The following LHFPL3 variants were observed in gnomAD, a reference collection of about 807,000 sequenced individuals.
The protein encoded by LHFPL3 is LHFPL tetraspan subfamily member 3.
LHFPL3 carries 5 observed loss-of-function variants against 19.3 expected under a neutral mutation model. The ratio of observed to expected loss-of-function variants is 0.26; its 90% CI spans 0.14 to 0.54. The LOEUF (loss-of-function observed/expected upper bound fraction) is 0.54, where lower values mean the gene tolerates loss of function less well. Among genes scored for constraint, LHFPL3 ranks in the 20% least tolerant of loss-of-function variants. LHFPL3 has a pLI of 0.94. For missense variants in LHFPL3, 249 were observed against 307.4 expected (o/e 0.81, Z 1.42); for synonymous variants, 133 against 126.2 (o/e 1.05, Z -0.36).
In LHFPL3 at chr7:104,564,310, T is replaced by C. The variant is rs1790077739; in HGVS notation, c.446-172365T>C. 2.0e-5 allele frequency among the ~76,000 whole-genome samples: 3 copies of C among 152,178 alleles called. No homozygotes were observed. In the South Asian group the frequency reaches 6.2e-4, roughly 32 times the overall value. ...GCTAATCACATCCCAGATGCAGTAA[T>C]TCTTGATATAGTAATACACTTTTAG... On this transcript the variant is annotated intron_variant, in intron 1 of 2. Transcript: ENST00000424859.
At chr7:104,640,342 G>T (rs956822968) in intron 1 of LHFPL3, among the ~76,000 whole-genome samples, 1 of 152,084 alleles carries the variant, frequency 6.6e-6, no homozygotes, top group Non-Finnish European at 1.5e-5. Flanking sequence ...TCATTGTTCA[G>T]CTCCCACTTA....
At chr7:104,544,979 G>GTT (rs35395569) in intron 1 of LHFPL3, among the ~76,000 whole-genome samples, 38 of 152,006 alleles carry the variant, frequency 2.5e-4, no homozygotes, top group Admixed American at 7.2e-4. Context: ...AAACCTGACA[G>GTT]TTTTTTCGTA....
chr7:104,669,662 A>C, intron 1 of LHFPL3: 1 of 1,330,262 alleles, frequency 7.5e-7, no homozygotes, highest in Non-Finnish European at 1.0e-6. Flanking sequence ...AGACAAGACA[A>C]AATAAAACTC....
chr7:104,719,292 T>TAA (rs1204031325), intron 1 of LHFPL3, among the ~76,000 whole-genome samples: 3 of 152,148 alleles, frequency 2.0e-5, no homozygotes, highest in Non-Finnish European at 4.4e-5. Context: ...TGTATATATA[T>TAA]AATCTTTGAA....
At chr7:104,649,983 A>G (rs1313482634) in intron 1 of LHFPL3, among the ~76,000 whole-genome samples, 1 of 152,210 alleles carries the variant, frequency 6.6e-6, no homozygotes, top group Admixed American at 6.5e-5. Context: ...AGTAGCTTCC[A>G]TCAGCCCATT....
At chr7:104,387,563 A>G (rs1052057106) in intron 1 of LHFPL3, among the ~76,000 whole-genome samples, 2 of 152,194 alleles carry the variant, frequency 1.3e-5, no homozygotes, top group African/African-American at 4.8e-5. Context: ...AGACTTGTGG[A>G]CATCATCAAG....
At chr7:104,330,688 C>T (rs1801551044) in intron 1 of LHFPL3, among the ~76,000 whole-genome samples, 1 of 152,150 alleles carries the variant, frequency 6.6e-6, no homozygotes, top group African/African-American at 2.4e-5. Context: ...ATACCATTAT[C>T]TCCTGAACGG....
At chr7:104,565,721 G>GTCTGTCTA (rs1209392650) in intron 1 of LHFPL3, among the ~76,000 whole-genome samples, 3 of 143,932 alleles carry the variant, frequency 2.1e-5, no homozygotes, top group Non-Finnish European at 3.0e-5. Context: ...CTGTCTGTCT[G>GTCTGTCTA]TCTATCTATC....
At chr7:104,693,037 C>T (rs1057421410) in intron 1 of LHFPL3, among the ~76,000 whole-genome samples, 1 of 152,230 alleles carries the variant, frequency 6.6e-6, no homozygotes, top group Non-Finnish European at 1.5e-5. Flanking sequence ...CGTGAGAGCC[C>T]ACCTGTTGCA....
intron 1 of LHFPL3, among the ~76,000 whole-genome samples, chr7:104,341,701 C>G (rs776606276): frequency 6.6e-6 from 1 of 152,116 alleles, no homozygotes; most frequent in Non-Finnish European, 1.5e-5. Flanking sequence ...TCCACCAGCC[C>G]CAGTTCACTT....
At position 104,328,759 on chromosome 7, in the gene LHFPL3, AGGAGGAGGAGGAGGG is replaced by A; in HGVS notation, c.-16_-2del. 1 of 1,543,016 alleles carries A rather than the reference AGGAGGAGGAGGAGGG, an allele frequency of 6.5e-7. No individual in the cohort carries two copies. Among genetic ancestry groups the A allele is most frequent in the Non-Finnish European group, 8.8e-7 (1 of 1,142,798 alleles). On this transcript the variant is annotated 5_prime_UTR_variant, in exon 1 of 3. Transcript: ENST00000424859. This position sits in a 1 kb window ranked among gnomAD's most constrained non-coding sequence, Gnocchi z 4.6. The stretch of plus-strand genomic sequence containing the variant: ...GAGGCGGAGGACCAGGAGGAGGAGG[AGGAGGAGGAGGAGGG>A]GGAGAATGCCCGGAGCCGCCGCCGC...
At chr7:104,437,993 G>A (rs1792145252) in intron 1 of LHFPL3, among the ~76,000 whole-genome samples, 1 of 152,134 alleles carries the variant, frequency 6.6e-6, no homozygotes, top group Non-Finnish European at 1.5e-5. Flanking sequence ...CACCATACAG[G>A]AGTCCATTAA....
At chr7:104,768,256 T>C (rs1794493926) in intron 2 of LHFPL3, among the ~76,000 whole-genome samples, 1 of 152,188 alleles carries the variant, frequency 6.6e-6, no homozygotes, top group Non-Finnish European at 1.5e-5. Context: ...TACAGTGACC[T>C]GGTCAGTGGG....
At chr7:104,396,435 G>C (rs2116483586) in intron 1 of LHFPL3, among the ~76,000 whole-genome samples, 1 of 152,148 alleles carries the variant, frequency 6.6e-6, no homozygotes, top group African/African-American at 2.4e-5. Context: ...TTGATAAGAG[G>C]CTGACTAACC....
chr7:104,724,609 G>A (rs576095014), intron 1 of LHFPL3, among the ~76,000 whole-genome samples: 1 of 152,156 alleles, frequency 6.6e-6, no homozygotes, highest in African/African-American at 2.4e-5. Flanking sequence ...CCTTTCAGAG[G>A]GTGGAGGGTG....
intron 1 of LHFPL3, among the ~76,000 whole-genome samples, chr7:104,460,605 T>C (rs10267693): frequency 0.17 from 25,698 of 152,106 alleles, 2,156 homozygotes; most frequent in Middle Eastern, 0.2. Flanking sequence ...ATCAGTGATA[T>C]TGAGGTTTTT....
intron 1 of LHFPL3, among the ~76,000 whole-genome samples, chr7:104,467,399 G>A (rs893973858): frequency 2.0e-5 from 3 of 152,234 alleles, no homozygotes; most frequent in African/African-American, 7.2e-5. Context: ...TGAAAAACAG[G>A]AGTAATAATA....
chr7:104,387,127 A>G (rs1790962026), intron 1 of LHFPL3, among the ~76,000 whole-genome samples: 1 of 152,220 alleles, frequency 6.6e-6, no homozygotes, highest in Non-Finnish European at 1.5e-5. Flanking sequence ...AAATGAAGAG[A>G]AATATAAAAA....
At chr7:104,825,414 T>C (rs1360793195) in intron 2 of LHFPL3, among the ~76,000 whole-genome samples, 5 of 151,868 alleles carry the variant, frequency 3.3e-5, no homozygotes, top group Non-Finnish European at 5.9e-5. Context: ...GATCAAATCT[T>C]AGCTCTGTTA....
Sources: allele counts gnomAD v4.1 joint callset (sites outside exome capture counted in the v4.1 genomes callset), GRCh38; gene constraint gnomAD v4.1.1; non-coding constraint Gnocchi (gnomAD v3.1); transcripts MANE v1.5; gene names NCBI Gene and HGNC (gene_info 2026-07-23, HGNC 2026-07-21).